ZCWPW2: variants seen among roughly 807,000 people sequenced by gnomAD.
ZCWPW2 encodes the protein zinc finger CW-type and PWWP domain containing 2, also known as zinc finger CW-type PWWP domain protein 2.
Under a neutral mutation model 46.6 loss-of-function variants are expected in ZCWPW2, and 45 were observed. The ratio of observed to expected loss-of-function variants is 0.96; its 90% CI spans 0.76 to 1.24. The LOEUF is 1.24. ZCWPW2 is among the 50% of genes most tolerant of loss of function. The pLI is 0.00. For synonymous variants in ZCWPW2, 152 were observed against 137.1 expected (o/e 1.11, Z -0.76); for missense variants, 429 against 403.9 (o/e 1.06, Z -0.53).
chr3:28,435,064 C>T, intron 3 of ZCWPW2, 46 bp from the exon 4 acceptor site: 1 of 1,594,096 alleles, frequency 6.3e-7, no homozygotes. Flanking sequence ...TTGATGTCTA[C>T]CTTTTTAAAA....
intron 4 of ZCWPW2, among the ~76,000 whole-genome samples, chr3:28,474,764 C>T (rs1054134055): frequency 6.6e-6 from 1 of 152,062 alleles, no homozygotes; most frequent in Non-Finnish European, 1.5e-5. Flanking sequence ...TTATCTTCCT[C>T]TTGGGTATTG....
chr3:28,424,861 A>T (rs1328545331), intron 3 of ZCWPW2, among the ~76,000 whole-genome samples: 4 of 152,194 alleles, frequency 2.6e-5, no homozygotes, highest in Non-Finnish European at 4.4e-5. Flanking sequence ...GAGGCAATAG[A>T]TATGTAAGAA....
At chr3:28,397,921 T>C (rs546878240) in intron 2 of ZCWPW2, 1 of 152,340 alleles carries the variant, frequency 6.6e-6, no homozygotes, top group South Asian at 2.1e-4. Context: ...ATCATTTCTG[T>C]TGTTCTAATG....
chr3:28,492,064 A>C, intron 5 of ZCWPW2, 63 bp from the exon 6 acceptor site: 1 of 1,465,008 alleles, frequency 6.8e-7, no homozygotes, highest in Non-Finnish European at 9.5e-7. Flanking sequence ...TGTGTAATTC[A>C]GTATTTATTT....
At chr3:28,436,515 T>C (rs1250495756) in intron 4 of ZCWPW2, among the ~76,000 whole-genome samples, 2 of 152,070 alleles carry the variant, frequency 1.3e-5, no homozygotes, top group Admixed American at 6.6e-5. Context: ...ATTTAAAACA[T>C]GCAATTTAAT....
intron 7 of ZCWPW2, 85 bp from the exon 8 acceptor site, chr3:28,515,468 AC>A: frequency 1.1e-6 from 1 of 943,840 alleles, no homozygotes; most frequent in Non-Finnish European, 1.6e-6. Context: ...TTTATAATCT[AC>A]AGTTACCAAT....
chr3:28,363,780 T>G (rs1362847802), intron 1 of ZCWPW2, among the ~76,000 whole-genome samples: 1 of 152,142 alleles, frequency 6.6e-6, no homozygotes, highest in Non-Finnish European at 1.5e-5. Flanking sequence ...ATGGCTTGCC[T>G]TTCCAACTCC....
intron 3 of ZCWPW2, among the ~76,000 whole-genome samples, chr3:28,433,255 C>A (rs1697344067): frequency 6.6e-6 from 1 of 152,092 alleles, no homozygotes; most frequent in Non-Finnish European, 1.5e-5. Flanking sequence ...TTCTTAAGTC[C>A]TTTTCTTTTT....
chr3:28,465,074 T>C (rs1698769341), intron 4 of ZCWPW2, among the ~76,000 whole-genome samples: 1 of 152,242 alleles, frequency 6.6e-6, no homozygotes, highest in Non-Finnish European at 1.5e-5. Context: ...TTTCAAAAGA[T>C]AATTTTTCTA....
chr3:28,516,548 G>A (rs1700579220), intron 8 of ZCWPW2, among the ~76,000 whole-genome samples: 3 of 152,100 alleles, frequency 2.0e-5, no homozygotes, highest in Admixed American at 6.5e-5. Context: ...TTGAAAAGCA[G>A]TGAAATGCTT....
At chr3:28,369,593 A>C (rs946494307) in intron 1 of ZCWPW2, among the ~76,000 whole-genome samples, 4 of 151,996 alleles carry the variant, frequency 2.6e-5, no homozygotes, top group Admixed American at 1.3e-4. Context: ...CAGTTAGGCT[A>C]CTCGGGAGTC....
chr3:28,485,705 T>C (rs868080292), intron 5 of ZCWPW2, among the ~76,000 whole-genome samples: 1 of 152,182 alleles, frequency 6.6e-6, no homozygotes, highest in African/African-American at 2.4e-5. Context: ...ATATAACTCC[T>C]CCTACTTCCT....
At chr3:28,480,358 A>G (rs1416490610) in intron 5 of ZCWPW2, among the ~76,000 whole-genome samples, 1 of 151,710 alleles carries the variant, frequency 6.6e-6, no homozygotes, top group Non-Finnish European at 1.5e-5. Flanking sequence ...GGCTGCATGT[A>G]TGTCTTCTTT....
Position 28,389,071 on chromosome 3 carries a change from T to G in ZCWPW2, c.-133-1427T>G, listed in dbSNP as rs116541464. On this transcript the variant is annotated intron_variant, in intron 1 of 9. Coordinates refer to ENST00000383768, the MANE Select transcript of ZCWPW2 (RefSeq NM_001040432.4). ...AGCCTAAACTTCCAGTTCAATGGAA[T>G]CATTGTTGTGTCTCCTAGTGGAAGC... is the stretch of plus-strand genomic sequence containing the variant. 2.2e-3 allele frequency among the ~76,000 whole-genome samples: 328 copies of G among 152,276 alleles called. 2 individuals are homozygous for G. The highest frequency in any genetic ancestry group is 3.5e-3 in the Non-Finnish European group (236 of 68,016).
At chr3:28,383,436 G>A (rs1177127530) in intron 1 of ZCWPW2, among the ~76,000 whole-genome samples, 1 of 152,070 alleles carries the variant, frequency 6.6e-6, no homozygotes, top group East Asian at 1.9e-4. Context: ...TTTGTATTAT[G>A]TGACTGACAA....
intron 8 of ZCWPW2, among the ~76,000 whole-genome samples, chr3:28,517,360 T>C (rs1185642770): frequency 6.6e-6 from 1 of 152,192 alleles, no homozygotes; most frequent in Non-Finnish European, 1.5e-5. Context: ...CTAGGAAGCA[T>C]GGTGCTTGGC....
chr3:28,463,616 G>A (rs932649112), intron 4 of ZCWPW2, among the ~76,000 whole-genome samples: 1 of 152,088 alleles, frequency 6.6e-6, no homozygotes, highest in Non-Finnish European at 1.5e-5. Flanking sequence ...ATGTATGCAG[G>A]ATTTACAAGG....
chr3:28,374,985 C>T (rs1029252374), intron 1 of ZCWPW2, among the ~76,000 whole-genome samples: 8 of 151,418 alleles, frequency 5.3e-5, no homozygotes, highest in Non-Finnish European at 1.2e-4. Flanking sequence ...TTAATATTTG[C>T]TTTGTATACT....
At chr3:28,470,349 T>G (rs1401735582) in intron 4 of ZCWPW2, among the ~76,000 whole-genome samples, 1 of 151,878 alleles carries the variant, frequency 6.6e-6, no homozygotes, top group Non-Finnish European at 1.5e-5. Flanking sequence ...ATACAAAAAT[T>G]AGCTGGGTGT....
Sources: allele counts gnomAD v4.1 joint callset (sites outside exome capture counted in the v4.1 genomes callset), GRCh38; gene constraint gnomAD v4.1.1; transcripts MANE v1.5; gene names NCBI Gene and HGNC (gene_info 2026-07-23, HGNC 2026-07-21).